CBFB: variants seen among roughly 807,000 people sequenced by gnomAD.
The protein encoded by CBFB is core-binding factor subunit beta, also known as CBF-beta.
Under a neutral mutation model 30.4 loss-of-function variants are expected in CBFB, and 9 were observed. The observed-to-expected ratio is 0.30, with a 90% CI of 0.18 to 0.52. The LOEUF is 0.52. CBFB is among the 20% of genes least tolerant of loss of function. CBFB has a pLI of 0.97. For synonymous variants in CBFB, 94 were observed against 84.0 expected (o/e 1.12, Z -0.65); for missense variants, 170 against 244.0 (o/e 0.70, Z 2.02).
At chr16:67,092,696 A>ATTTTTTTTTTTTTTTTTTTTTT (rs1162307047) in intron 5 of CBFB, among the ~76,000 whole-genome samples, 12 of 94,684 alleles carry the variant, frequency 1.3e-4, no homozygotes, top group African/African-American at 3.3e-4. Flanking sequence ...CAGTGGTGCA[A>ATTTTTTTTTTTTTTTTTTTTTT]TCTTTTTTTT....
intron 5 of CBFB, among the ~76,000 whole-genome samples, chr16:67,092,214 G>C (rs1050026356): frequency 6.6e-6 from 1 of 152,128 alleles, no homozygotes; most frequent in African/African-American, 2.4e-5. Context: ...AGTTCTCTGA[G>C]AATGATGGCT....
intron 5 of CBFB, among the ~76,000 whole-genome samples, chr16:67,092,313 G>A (rs751514836): frequency 5.9e-5 from 9 of 152,156 alleles, no homozygotes; most frequent in African/African-American, 9.7e-5. Context: ...TGGGGAAAGT[G>A]CATTCCTTTC....
At chr16:67,092,698 C>CTCT (rs1961925973) in intron 5 of CBFB, among the ~76,000 whole-genome samples, 5 of 33,492 alleles carry the variant, frequency 1.5e-4, no homozygotes, top group African/African-American at 5.8e-4. Context: ...GTGGTGCAAT[C>CTCT]TTTTTTTTTT....
chr16:67,041,042 A>C (rs868272690), intron 3 of CBFB, among the ~76,000 whole-genome samples: 1 of 152,202 alleles, frequency 6.6e-6, no homozygotes, highest in Non-Finnish European at 1.5e-5. Context: ...TCATGTGACC[A>C]TGGTAGGCCA....
At chr16:67,031,135 T>A (rs1947890126) in intron 2 of CBFB, among the ~76,000 whole-genome samples, 1 of 152,230 alleles carries the variant, frequency 6.6e-6, no homozygotes, top group African/African-American at 2.4e-5. Flanking sequence ...CAAATTTATT[T>A]TTAAAGAATA....
At chr16:67,040,769 A>G (rs1248643121) in intron 3 of CBFB, among the ~76,000 whole-genome samples, 1 of 152,266 alleles carries the variant, frequency 6.6e-6, no homozygotes, top group African/African-American at 2.4e-5. Context: ...AAGATGATCA[A>G]TGAACAGGAA....
intron 5 of CBFB, chr16:67,093,381 T>TG (rs1275435570): frequency 1.3e-5 from 2 of 148,334 alleles, no homozygotes; most frequent in East Asian, 3.9e-4. Flanking sequence ...TTTTTTTTTT[T>TG]TTTTTTTTTT....
chr16:67,096,062 A>G (rs2145787773), intron 5 of CBFB, among the ~76,000 whole-genome samples: 1 of 150,694 alleles, frequency 6.6e-6, no homozygotes, highest in African/African-American at 2.4e-5. Context: ...TAATCCCAGC[A>G]CTTTGGGGAA....
chr16:67,088,416 G>A (rs1185913012), intron 5 of CBFB, among the ~76,000 whole-genome samples: 2 of 152,122 alleles, frequency 1.3e-5, no homozygotes, highest in Non-Finnish European at 2.9e-5. Flanking sequence ...ATAAAACTGA[G>A]AGTCTCCAAA....
intron 2 of CBFB, 169 bp from the exon 3 acceptor site, chr16:67,036,470 T>C: frequency 1.8e-6 from 1 of 542,208 alleles, no homozygotes; most frequent in South Asian, 2.7e-5. Context: ...GAATCAGATG[T>C]TTGTAACTTA....
At chr16:67,054,257 G>A (rs1335404456) in intron 3 of CBFB, among the ~76,000 whole-genome samples, 1 of 152,122 alleles carries the variant, frequency 6.6e-6, no homozygotes, top group Non-Finnish European at 1.5e-5. Flanking sequence ...TTTATTGTAA[G>A]TTTGTCTTGT....
At chr16:67,069,439 G>C (rs1487798785) in intron 4 of CBFB, among the ~76,000 whole-genome samples, 3 of 151,982 alleles carry the variant, frequency 2.0e-5, no homozygotes, top group Admixed American at 2.0e-4. Context: ...CTAAATGGTA[G>C]ATAAGAGCTG....
chr16:67,057,154 T>A (rs1960753327), intron 3 of CBFB, among the ~76,000 whole-genome samples: 1 of 152,058 alleles, frequency 6.6e-6, no homozygotes, highest in Non-Finnish European at 1.5e-5. Flanking sequence ...GGCTAATTTT[T>A]GTATTTTTAG....
intron 3 of CBFB, among the ~76,000 whole-genome samples, chr16:67,048,814 TTTTTTTTTC>T (rs1396187229): frequency 0.022 from 3,283 of 146,540 alleles, 50 homozygotes; most frequent in South Asian, 0.029. Flanking sequence ...TAGCCTTTTT[TTTTTTTTTC>T]TTTTTTTTTT....
chr16:67,073,961 G>A (rs1042097857), intron 4 of CBFB, among the ~76,000 whole-genome samples: 2 of 151,798 alleles, frequency 1.3e-5, no homozygotes, highest in African/African-American at 4.8e-5. Flanking sequence ...CCCAGGAGGC[G>A]GAGCTTGCAG....
At chr16:67,035,584 A>G (rs957390131) in intron 2 of CBFB, among the ~76,000 whole-genome samples, 1 of 152,208 alleles carries the variant, frequency 6.6e-6, no homozygotes, top group African/African-American at 2.4e-5. Context: ...CCTCTAAAGA[A>G]TCTAAGCTGT....
chr16:67,072,507 C>T (rs1050318540), intron 4 of CBFB, among the ~76,000 whole-genome samples: 1 of 151,692 alleles, frequency 6.6e-6, no homozygotes, highest in Non-Finnish European at 1.5e-5. Flanking sequence ...TGCTCTCTCA[C>T]CCCGGCTGGA....
intron 4 of CBFB, among the ~76,000 whole-genome samples, chr16:67,079,240 A>G (rs1381012870): frequency 2.0e-5 from 3 of 152,184 alleles, no homozygotes; most frequent in East Asian, 1.9e-4. Flanking sequence ...AAGTATTACT[A>G]TGCCTTTCTT....
At chr16:67,063,884 C>CA (rs1960980476) in intron 3 of CBFB, among the ~76,000 whole-genome samples, 1 of 151,392 alleles carries the variant, frequency 6.6e-6, no homozygotes, top group Non-Finnish European at 1.5e-5. Context: ...AAATGAGTTT[C>CA]AAAAAAAAGA....
Sources: allele counts gnomAD v4.1 joint callset (sites outside exome capture counted in the v4.1 genomes callset), GRCh38; gene constraint gnomAD v4.1.1; transcripts MANE v1.5; gene names NCBI Gene and HGNC (gene_info 2026-07-23, HGNC 2026-07-21).